NIPBL: variants seen among roughly 807,000 people sequenced by gnomAD.
NIPBL encodes nipped-B-like protein.
A neutral mutation model predicts 321.8 loss-of-function variants in NIPBL; 19 were observed. The observed-to-expected ratio is 0.06, with a 90% CI of 0.04 to 0.09. The LOEUF is 0.09. NIPBL is among the 10% of genes least tolerant of loss of function. The pLI, the probability that NIPBL is intolerant of heterozygous loss-of-function variation, is 1.00. For synonymous variants in NIPBL, 1,106 were observed against 1,114.1 expected (o/e 0.99, Z 0.14); for missense variants, 2,210 against 3,327.0 (o/e 0.66, Z 8.26).
At chr5:36,879,796 T>C (rs980271380) in intron 1 of NIPBL, among the ~76,000 whole-genome samples, 3 of 152,144 alleles carry the variant, frequency 2.0e-5, no homozygotes, top group African/African-American at 7.2e-5. Flanking sequence ...TGAAGAGTTG[T>C]CAATAACTTT....
chr5:37,019,889 T>G (rs1463704981), intron 25 of NIPBL, among the ~76,000 whole-genome samples: 1 of 152,180 alleles, frequency 6.6e-6, no homozygotes, highest in Non-Finnish European at 1.5e-5. Context: ...ATAGAGATAT[T>G]TTATTTTATT....
At chr5:36,997,450 A>G (rs1006266760) in intron 11 of NIPBL, among the ~76,000 whole-genome samples, 4 of 152,180 alleles carry the variant, frequency 2.6e-5, no homozygotes, top group African/African-American at 9.7e-5. Context: ...CATGTTTGTC[A>G]CCAATGCAGC....
rs1747727978 is a variant in NIPBL, at chr5:37,008,658, T to A, written c.4356T>A (p.Ile1452=). Residue 1452 remains isoleucine (I), a synonymous_variant, in exon 20 of 47, where the codon ATT becomes ATA. Coordinates refer to ENST00000282516, the MANE Select transcript of NIPBL (RefSeq NM_133433.4). ...GATATGAAAAACATAGGCAGTTAAT[T>A]TTGGAAGAAATTTTTACTTCACTTG... ...FSRYEKHRQL[I]LEEIFTSLAR... 6.3e-7 allele frequency: 1 copy of A among 1,597,902 alleles called. No homozygotes were observed. The highest frequency in any genetic ancestry group is 1.3e-5 in the African/African-American group (1 of 74,642).
intron 16 of NIPBL, among the ~76,000 whole-genome samples, chr5:37,005,359 G>A (rs980474770): frequency 1.3e-5 from 2 of 152,012 alleles, no homozygotes; most frequent in African/African-American, 4.8e-5. Flanking sequence ...TAAATACTTC[G>A]CCAAGAAATT....
intron 1 of NIPBL, among the ~76,000 whole-genome samples, chr5:36,906,503 A>G (rs1415683206): frequency 2.0e-5 from 3 of 152,186 alleles, no homozygotes; most frequent in African/African-American, 7.2e-5. Flanking sequence ...TTTTTCTATC[A>G]AACTACTAAT....
At chr5:36,914,665 G>A (rs550802595) in intron 1 of NIPBL, among the ~76,000 whole-genome samples, 2 of 152,136 alleles carry the variant, frequency 1.3e-5, no homozygotes, top group Non-Finnish European at 2.9e-5. Flanking sequence ...TTGAAAATCC[G>A]AAATTTGAAA....
rs1561167636 is a variant in NIPBL at position 37,019,290 on chromosome 5, CTTA to C, written c.4921-18_4921-16del. The C allele has an allele frequency of 4.7e-6, 7 of 1,502,766 alleles. No individual in the cohort carries two copies. In the East Asian group the frequency reaches 1.6e-4, roughly 34 times the overall value. The allele number at this position is 1,502,766 out of a possible 1,614,324, so 93.1% of individuals were successfully genotyped here. A position where few individuals can be genotyped will look rare whatever the true frequency, so the allele number is the denominator to read the frequency against. On this transcript the variant is annotated intron_variant, in intron 24 of 46. Transcript: ENST00000282516. ...GCACACCAGTAATATCTTTTTTGTT[CTTA>C]TTTGGTTTATTCTATAGGTTTCAGG...
At chr5:36,910,086 AAG>A (rs1305713744) in intron 1 of NIPBL, among the ~76,000 whole-genome samples, 1 of 152,014 alleles carries the variant, frequency 6.6e-6, no homozygotes, top group African/African-American at 2.4e-5. Context: ...AAAAAAAAAA[AAG>A]AATGTTATGA....
chr5:36,942,538 G>A (rs1739215912), intron 1 of NIPBL, among the ~76,000 whole-genome samples: 1 of 149,944 alleles, frequency 6.7e-6, no homozygotes, highest in African/African-American at 2.5e-5. Flanking sequence ...TCAGGAGTTC[G>A]AGACCAGTCT....
chr5:37,046,070 A>T, intron 37 of NIPBL, 39 bp from the exon 38 acceptor site: 2 of 983,592 alleles, frequency 2.0e-6, no homozygotes, highest in Non-Finnish European at 1.6e-6. Flanking sequence ...AATCTAAGTT[A>T]CTGTTCATGA....
At chr5:37,000,704 G>A (rs908985835) in intron 12 of NIPBL, 113 bp from the exon 13 acceptor site, 3 of 1,260,390 alleles carry the variant, frequency 2.4e-6, no homozygotes, top group Non-Finnish European at 3.4e-6. Flanking sequence ...TAGTTTCTAT[G>A]TGCAGTGATT....
intron 46 of NIPBL, 110 bp from the exon 47 acceptor site, chr5:37,064,417 G>C (rs867257527): frequency 1.3e-6 from 2 of 1,561,794 alleles, no homozygotes; most frequent in East Asian, 4.6e-5. Flanking sequence ...GAAGTGTGCC[G>C]GGAAATCCCA....
chr5:37,012,563 A>G (rs1198594983), intron 21 of NIPBL, among the ~76,000 whole-genome samples: 1 of 151,600 alleles, frequency 6.6e-6, no homozygotes, highest in Non-Finnish European at 1.5e-5. Flanking sequence ...CAGATAAACA[A>G]GTGAACAAAG....
rs35178851 is a variant in NIPBL at position 36,901,500 on chromosome 5, CTTTTTTTTTTTTTT to C, written c.-80+24335_-80+24348del. Among the ~76,000 whole-genome samples the C allele has an allele frequency of 1.1e-3, 83 of 77,456 alleles. 1 individual carries two copies. Among genetic ancestry groups the C allele is most frequent in the African/African-American group, 4.1e-3 (74 of 18,136 alleles). 50.8% of individuals were successfully genotyped at this position (77,456 alleles called of 152,430 possible). A position where few individuals can be genotyped will look rare whatever the true frequency, so the allele number is the denominator to read the frequency against. ...CTGGGTTGCATGGTCCTTCTAAGTC[CTTTTTTTTTTTTTT>C]TTTTTTTTTTTTGAGTCGGAGATTT... On this transcript the variant is annotated intron_variant, in intron 1 of 46. Transcript: ENST00000282516.
intron 34 of NIPBL, among the ~76,000 whole-genome samples, chr5:37,040,434 A>G (rs1432605426): frequency 6.6e-6 from 1 of 152,170 alleles, no homozygotes; most frequent in African/African-American, 2.4e-5. Flanking sequence ...ACAGAGGTAT[A>G]TATAAATGGT....
chr5:36,960,356 C>T (rs1741469023), intron 4 of NIPBL, among the ~76,000 whole-genome samples: 3 of 150,500 alleles, frequency 2.0e-5, no homozygotes, highest in Admixed American at 2.0e-4. Context: ...TGTTCATCTC[C>T]CTCCAAAAGA....
Position 37,024,701 on chromosome 5 carries a change from T to C in NIPBL, c.5691T>C (p.Asn1897=). 6.2e-7 allele frequency: 1 copy of C among 1,612,394 alleles called. No homozygotes were observed. The highest frequency in any genetic ancestry group is 8.5e-7 in the Non-Finnish European group (1 of 1,178,910). The part of the protein sequence containing the change: ...EMCVKMIRRV[N]DEEGIKKLVN... Reference sequence around the variant, plus strand: ...GTGTAAAAATGATTCGCAGAGTCAATGATGAAGAGGGCATTAAGGTAGTGT... The same window carrying C: ...GTGTAAAAATGATTCGCAGAGTCAACGATGAAGAGGGCATTAAGGTAGTGT... The change falls in exon 30 of 47, where the codon AAT becomes AAC. Residue 1897 remains asparagine, a synonymous_variant. Coordinates refer to ENST00000282516, the MANE Select transcript of NIPBL (RefSeq NM_133433.4).
rs1237354344 is a variant in NIPBL at position 37,051,857 on chromosome 5, A to G, written c.7033A>G (p.Ile2345Val). The change falls in exon 41 of 47, where the codon ATA (isoleucine) becomes GTA (valine). Residue 2345 changes from isoleucine (I) to valine (V), a missense_variant. By Grantham distance (29) the Ile-to-Val change is conservative. Coordinates refer to ENST00000282516, the MANE Select transcript of NIPBL (RefSeq NM_133433.4). ...RNKADQQLVE[I>V]DKKYAGFIHM... Reference sequence around the variant, plus strand: ...CAAGGCTGATCAGCAACTTGTGGAAATAGACAAAAAATATGCTGGATTCAT... The same window carrying G: ...CAAGGCTGATCAGCAACTTGTGGAAGTAGACAAAAAATATGCTGGATTCAT... 2 of 1,613,830 alleles carry G rather than the reference A, an allele frequency of 1.2e-6. No homozygotes were observed.
At chr5:37,033,750 T>TTTTTTG (rs1751389161) in intron 32 of NIPBL, among the ~76,000 whole-genome samples, 1 of 122,676 alleles carries the variant, frequency 8.2e-6, no homozygotes, top group African/African-American at 3.2e-5. Context: ...TTTTTTTTTT[T>TTTTTTG]AATGGCTTGG....
Sources: gnomAD v4.1 joint callset for allele counts (sites outside exome capture counted in the v4.1 genomes callset) on GRCh38, gnomAD v4.1.1 for gene constraint, MANE v1.5 for transcripts, NCBI Gene and HGNC (gene_info 2026-07-23, HGNC 2026-07-21) for gene names.